CPS1: variants seen among roughly 807,000 people sequenced by gnomAD.
CPS1 encodes the protein carbamoyl-phosphate synthase 1, also known as carbamoyl-phosphate synthase [ammonia], mitochondrial.
CPS1 carries 109 observed loss-of-function variants against 174.6 expected under a neutral mutation model. The observed-to-expected ratio is 0.62, with a 90% CI of 0.53 to 0.73. The LOEUF (loss-of-function observed/expected upper bound fraction) is 0.73. CPS1 is among the 30% of genes least tolerant of loss of function. The probability of loss-of-function intolerance (pLI) is 0.00; values close to 1 mark genes in which losing one functional copy is unlikely to be tolerated. For missense variants in CPS1, 1,689 were observed against 1,821.9 expected, an observed-to-expected ratio of 0.93 and a Z score of 1.33; for synonymous variants, 637 against 632.0, an observed-to-expected ratio of 1.01 and a Z score of -0.12.
At chr2:210,560,643 A>G (rs997641793) in intron 1 of CPS1, among the ~76,000 whole-genome samples, 2 of 152,116 alleles carry the variant, frequency 1.3e-5, no homozygotes, top group Admixed American at 1.3e-4. Flanking sequence ...TTAAGATTTT[A>G]TATTCTGATT....
chr2:210,603,397 C>T (rs530999258), intron 16 of CPS1, among the ~76,000 whole-genome samples: 6 of 151,962 alleles, frequency 3.9e-5, no homozygotes, highest in South Asian at 2.1e-4. Context: ...ACTTGGGTTT[C>T]GTTTTTCTAA....
rs1336314792 is a variant in CPS1 at position 210,622,764 on chromosome 2, CT to C, written c.2687+6225del. ...TTTATATTGAAAGACAATCATGATACTTAAAAAAAAAAAAAAGACACATGAA... is the reference window on the plus strand; with the variant it reads ...TTTATATTGAAAGACAATCATGATACTAAAAAAAAAAAAAAGACACATGAA... On this transcript the variant is annotated intron_variant, in intron 21 of 37. Transcript: ENST00000233072. 2.0e-3 allele frequency among the ~76,000 whole-genome samples: 190 copies of C among 96,036 alleles called. 3 individuals carry two copies. The highest frequency in any genetic ancestry group is 0.019 in the East Asian group (68 of 3,492). 63.0% of individuals were successfully genotyped at this position (96,036 alleles called of 152,430 possible).
chr2:210,525,589 G>A (rs1047801678), intron 1 of CPS1, among the ~76,000 whole-genome samples: 4 of 151,450 alleles, frequency 2.6e-5, no homozygotes, highest in African/African-American at 9.7e-5. Flanking sequence ...TGAGCTGGTG[G>A]CTAAATAATC....
intron 10 of CPS1, among the ~76,000 whole-genome samples, chr2:210,592,370 A>G (rs1698337022): frequency 6.6e-6 from 1 of 151,928 alleles, no homozygotes; most frequent in African/African-American, 2.4e-5. Flanking sequence ...TTCTCTCATC[A>G]GTTGACTTGT....
At chr2:210,624,823 T>C (rs1699647378) in intron 21 of CPS1, among the ~76,000 whole-genome samples, 1 of 152,026 alleles carries the variant, frequency 6.6e-6, no homozygotes, top group Non-Finnish European at 1.5e-5. Context: ...TTCAGAGTAA[T>C]ATTCAGATGA....
intron 1 of CPS1, among the ~76,000 whole-genome samples, chr2:210,533,695 C>G (rs1559065291): frequency 1.3e-5 from 2 of 152,078 alleles, no homozygotes; most frequent in Admixed American, 6.5e-5. Flanking sequence ...ACTATAAAAA[C>G]TCATATTTTC....
At chr2:210,665,528 A>T in intron 33 of CPS1, among the ~76,000 whole-genome samples, 1 of 132,500 alleles carries the variant, frequency 7.5e-6, no homozygotes, top group Admixed American at 9.1e-5. Context: ...TCCTGTGTCC[A>T]TGTGTTCCCA....
intron 24 of CPS1, among the ~76,000 whole-genome samples, chr2:210,642,072 G>A (rs1464069455): frequency 6.6e-6 from 1 of 152,166 alleles, no homozygotes; most frequent in Non-Finnish European, 1.5e-5. Context: ...TAAGTGGAAA[G>A]GCTGAAAAAA....
chr2:210,678,237 C>A lies in CPS1; in HGVS notation c.*252C>A. 1.9e-6 allele frequency: 1 copy of A among 538,564 alleles called. No individual in the cohort carries two copies. Among genetic ancestry groups the A allele is most frequent in the South Asian group, 2.0e-5 (1 of 50,774 alleles). The allele number at this position is 538,564 out of a possible 1,614,324, so 33.4% of individuals were successfully genotyped here. A position where few individuals can be genotyped will look rare whatever the true frequency, so the allele number is the denominator to read the frequency against. ...AATACTGTATTTTTGGTGGACTAGG[C>A]TTGCCTATGTGCTTATGTGTAGCTT... On this transcript the variant is annotated 3_prime_UTR_variant, in exon 38 of 38. Coordinates refer to ENST00000233072, the MANE Select transcript of CPS1 (RefSeq NM_001875.5).
At chr2:210,518,113 T>C (rs1363236493) in intron 1 of CPS1, among the ~76,000 whole-genome samples, 1 of 151,980 alleles carries the variant, frequency 6.6e-6, no homozygotes, top group Admixed American at 6.6e-5. Flanking sequence ...TTTTTGTATG[T>C]TGTGGTCTGT....
intron 21 of CPS1, chr2:210,619,940 G>T (rs909470617): frequency 4.0e-5 from 6 of 151,822 alleles, no homozygotes; most frequent in Admixed American, 6.6e-5. Flanking sequence ...GTTGGGGGGT[G>T]GGGGGCTAAG....
intron 1 of CPS1, among the ~76,000 whole-genome samples, chr2:210,564,718 C>G (rs1462523062): frequency 6.6e-6 from 1 of 151,070 alleles, no homozygotes. Flanking sequence ...GGGGGCCGGA[C>G]TTGGTGGCTC....
At chr2:210,510,018 G>A (rs927430036) in intron 1 of CPS1, among the ~76,000 whole-genome samples, 6 of 151,912 alleles carry the variant, frequency 3.9e-5, no homozygotes, top group African/African-American at 1.4e-4. Flanking sequence ...CAGAATTGGA[G>A]AAAACTACTT....
chr2:210,580,928 G>A (rs1309659073), intron 5 of CPS1, among the ~76,000 whole-genome samples: 2 of 151,026 alleles, frequency 1.3e-5, no homozygotes, highest in African/African-American at 4.9e-5. Flanking sequence ...TTTCTTGTTA[G>A]GATATATACA....
At chr2:210,621,124 C>T (rs1455341057) in intron 21 of CPS1, among the ~76,000 whole-genome samples, 1 of 152,080 alleles carries the variant, frequency 6.6e-6, no homozygotes, top group African/African-American at 2.4e-5. Flanking sequence ...CTTATTGCTA[C>T]CCAAGGGCAT....
upstream of CPS1, among the ~76,000 whole-genome samples, chr2:210,554,804 C>A (rs1038859245): frequency 6.7e-6 from 1 of 148,534 alleles, no homozygotes; most frequent in East Asian, 2.0e-4. Flanking sequence ...GAGTTTATAT[C>A]GTTTTCTTAA....
chr2:210,660,546 T>C lies in CPS1; in HGVS notation c.3818T>C (p.Val1273Ala), dbSNP rs1467203040. The C allele has an allele frequency of 1.9e-6, 3 of 1,614,154 alleles. No homozygotes were observed. The highest frequency in any genetic ancestry group is 4.5e-5 in the East Asian group (2 of 44,862). The change falls in exon 32 of 38, where the codon GTT becomes GCT. Residue 1273 changes from valine (V) to alanine (A), a missense_variant. By Grantham distance (64) the Val-to-Ala change is moderately conservative. Coordinates refer to ENST00000233072, the MANE Select transcript of CPS1 (RefSeq NM_001875.5). ...CCCTTTGTTTCCAAGACTCTTGGGGTTGACTTCATTGATGTGGCCACCAAG... is the reference window on the plus strand; with the variant it reads ...CCCTTTGTTTCCAAGACTCTTGGGGCTGACTTCATTGATGTGGCCACCAAG... ...SFPFVSKTLG[V>A]DFIDVATKVM...
chr2:210,637,636 G>A (rs1374633985), intron 21 of CPS1, 66 bp from the exon 22 acceptor site: 10 of 1,551,330 alleles, frequency 6.4e-6, no homozygotes, highest in Non-Finnish European at 8.9e-6. Flanking sequence ...TCTTGAAATT[G>A]AACTTGTCAC....
intron 1 of CPS1, among the ~76,000 whole-genome samples, chr2:210,571,064 C>T (rs753978297): frequency 1.4e-4 from 21 of 151,844 alleles, no homozygotes; most frequent in Admixed American, 1.3e-3. Context: ...AGCTGATTTC[C>T]TGGATACAGA....
Sources: allele counts gnomAD v4.1 joint callset (sites outside exome capture counted in the v4.1 genomes callset), GRCh38; gene constraint gnomAD v4.1.1; transcripts MANE v1.5; gene names NCBI Gene and HGNC (gene_info 2026-07-23, HGNC 2026-07-21).